Variants in PNMA8C observed in about 807,000 individuals in gnomAD.
The protein encoded by PNMA8C is PNMA family member 8C.
rs1568595051 is a variant in PNMA8C at position 46,427,760 on chromosome 19, T to A, written c.600A>T (p.Ser200=). Residue 200 remains serine, a synonymous_variant, in exon 1 of 1, where the codon TCA becomes TCT. Coordinates refer to ENST00000617053, the MANE Select transcript of PNMA8C (RefSeq NM_001386793.1). ...TGCCACCACCTCACAGCTTCTTGTCTGAGGCGTGATGCCGCCGGCGGTTTT... is the reference window on the plus strand; with the variant it reads ...TGCCACCACCTCACAGCTTCTTGTCAGAGGCGTGATGCCGCCGGCGGTTTT... The part of the protein sequence containing the change: ...NKKNRRRHHA[S]DKKL The A allele has an allele frequency of 2.5e-6, 1 of 398,540 alleles. No individual in the cohort carries two copies. The highest frequency in any genetic ancestry group is 4.4e-5 in the Admixed American group (1 of 22,686). The allele number at this position is 398,540 out of a possible 1,614,324, so 24.7% of individuals were successfully genotyped here.
Position 46,428,432 on chromosome 19 carries a change from A to T in PNMA8C, c.-73T>A, listed in dbSNP as rs1260137808. The T allele has an allele frequency of 5.0e-6, 2 of 398,218 alleles. No individual in the cohort carries two copies. The highest frequency in any genetic ancestry group is 8.8e-6 in the Non-Finnish European group (2 of 226,142). 24.7% of individuals were successfully genotyped at this position (398,218 alleles called of 1,614,324 possible). ...AGCTGCCTCGGGAATCCACGAAATTATCCAGGATGCCGCGATTCCTTCCCA... is the reference window on the plus strand; with the variant it reads ...AGCTGCCTCGGGAATCCACGAAATTTTCCAGGATGCCGCGATTCCTTCCCA... On this transcript the variant is annotated 5_prime_UTR_variant, in exon 1 of 1. Coordinates refer to ENST00000617053, the MANE Select transcript of PNMA8C (RefSeq NM_001386793.1).
Position 46,425,309 on chromosome 19 carries a change from G to GC in PNMA8C, c.*2435dup. 6.6e-6 allele frequency: 1 copy of GC among 152,344 alleles called. No individual in the cohort carries two copies. Among genetic ancestry groups the GC allele is most frequent in the East Asian group, 1.9e-4 (1 of 5,180 alleles). The allele number at this position is 152,344 out of a possible 1,614,324, so 9.4% of individuals were successfully genotyped here. A position where few individuals can be genotyped will look rare whatever the true frequency, so the allele number is the denominator to read the frequency against. On this transcript the variant is annotated 3_prime_UTR_variant, in exon 1 of 1. Coordinates refer to ENST00000617053, the MANE Select transcript of PNMA8C (RefSeq NM_001386793.1). The stretch of plus-strand genomic sequence containing the variant: ...CATTTACAAGGAATAGAAAAATCAG[G>GC]CCGGGCGTGGTGGCTCACGCCTGTA...
Position 46,425,101 on chromosome 19 carries a change from A to G in PNMA8C, c.*2644T>C, listed in dbSNP as rs1402697086. On this transcript the variant is annotated 3_prime_UTR_variant, in exon 1 of 1. Transcript: ENST00000617053. ...ACAATAAGCACAAAATACAGTCTTC[A>G]TGCTGCAATATGATAAGAAATGTCA... 1 of 152,236 alleles carries G rather than the reference A, an allele frequency of 6.6e-6. No homozygotes were observed. The highest frequency in any genetic ancestry group is 1.5e-5 in the Non-Finnish European group (1 of 68,044). 9.4% of individuals were successfully genotyped at this position (152,236 alleles called of 1,614,324 possible). A position where few individuals can be genotyped will look rare whatever the true frequency, so the allele number is the denominator to read the frequency against.
chr19:46,425,587 C>CAAAAAA lies in PNMA8C; in HGVS notation c.*2152_*2157dup, dbSNP rs34559985. On this transcript the variant is annotated 3_prime_UTR_variant, in exon 1 of 1. Transcript: ENST00000617053. ...TGGGCTACAGAAGGAGACTCCACCT[C>CAAAAAA]AAAAAAAAAAAAAAAAAAAAAAAAA... 6.4e-5 allele frequency: 4 copies of CAAAAAA among 62,470 alleles called. No individual in the cohort carries two copies. The highest frequency in any genetic ancestry group is 1.6e-4 in the African/African-American group (2 of 12,684). The allele number at this position is 62,470 out of a possible 1,614,324, so 3.9% of individuals were successfully genotyped here.
rs1254072584 is a variant in PNMA8C, at chr19:46,425,704, C to G, written c.*2041G>C. The G allele has an allele frequency of 6.6e-6, 1 of 150,876 alleles. No individual in the cohort carries two copies. The highest frequency in any genetic ancestry group is 1.9e-4 in the East Asian group (1 of 5,140). The allele number at this position is 150,876 out of a possible 1,614,324, so 9.3% of individuals were successfully genotyped here. ...GGGAGATTGAGACCATCCTGGCCAA[C>G]ATGGTGAAACCCTTTCTCTAGTAAA... On this transcript the variant is annotated 3_prime_UTR_variant, in exon 1 of 1. Coordinates refer to ENST00000617053, the MANE Select transcript of PNMA8C (RefSeq NM_001386793.1).
chr19:46,425,431 T>C lies in PNMA8C; in HGVS notation c.*2314A>G, dbSNP rs1969412602. The C allele has an allele frequency of 6.6e-6, 1 of 151,150 alleles. No individual in the cohort carries two copies. Among genetic ancestry groups the C allele is most frequent in the African/African-American group, 2.4e-5 (1 of 41,014 alleles). 9.4% of individuals were successfully genotyped at this position (151,150 alleles called of 1,614,324 possible). A position where few individuals can be genotyped will look rare whatever the true frequency, so the allele number is the denominator to read the frequency against. On this transcript the variant is annotated 3_prime_UTR_variant, in exon 1 of 1. Transcript: ENST00000617053. ...GGTGAAACCCTGTCTCTACTAAAAA[T>C]ACAAAAATTAGCTGGGCGTGGTGGT...
Position 46,427,858 on chromosome 19 carries a change from C to A in PNMA8C, c.502G>T (p.Val168Leu). ...TTCTCGGAGGAGTCCAGAGGTGGCA[C>A]CACGTCCATCTGGACGGTGGCCCCA... ...EAGATVQMDV[V>L]PPLDSSEKES... Residue 168 changes from valine to leucine, a missense_variant, in exon 1 of 1, where the codon GTG (valine) becomes TTG (leucine). By Grantham distance (32) the Val-to-Leu change is conservative. Coordinates refer to ENST00000617053, the MANE Select transcript of PNMA8C (RefSeq NM_001386793.1). 2.5e-6 allele frequency: 1 copy of A among 398,660 alleles called. No individual in the cohort carries two copies. Among genetic ancestry groups the A allele is most frequent in the Non-Finnish European group, 4.4e-6 (1 of 226,100 alleles). 24.7% of individuals were successfully genotyped at this position (398,660 alleles called of 1,614,324 possible).
chr19:46,426,396 G>A lies in PNMA8C; in HGVS notation c.*1349C>T, dbSNP rs1170586659. ...ACAGATCAGTGAGTTCCTCAGAGGT[G>A]GGGAGCAGGCAACTCACTCTCAGCC... On this transcript the variant is annotated 3_prime_UTR_variant, in exon 1 of 1. Coordinates refer to ENST00000617053, the MANE Select transcript of PNMA8C (RefSeq NM_001386793.1). 2 of 152,098 alleles carry A rather than the reference G, an allele frequency of 1.3e-5. No individual in the cohort carries two copies. The highest frequency in any genetic ancestry group is 4.8e-5 in the African/African-American group (2 of 41,406). 9.4% of individuals were successfully genotyped at this position (152,098 alleles called of 1,614,324 possible). A position where few individuals can be genotyped will look rare whatever the true frequency, so the allele number is the denominator to read the frequency against.
At position 46,427,901 on chromosome 19, in the gene PNMA8C, C is replaced by A. The variant is rs915258945; in HGVS notation, c.459G>T (p.Leu153=). Residue 153 remains leucine, a synonymous_variant, in exon 1 of 1, where the codon CTG becomes CTT. Coordinates refer to ENST00000617053, the MANE Select transcript of PNMA8C (RefSeq NM_001386793.1). ...TGGCCCCAGCCTCCGGTTTCTCCCC[C>A]AGCCCAGGCACAGAGCACTTTCTTG... ...LPARKCSVPG[L]GEKPEAGATV... The A allele has an allele frequency of 2.5e-6, 1 of 398,752 alleles. No homozygotes were observed. 24.7% of individuals were successfully genotyped at this position (398,752 alleles called of 1,614,324 possible). A position where few individuals can be genotyped will look rare whatever the true frequency, so the allele number is the denominator to read the frequency against.
rs1182498729 is a variant in PNMA8C, at chr19:46,424,725, T to A, written c.*3020A>T. The A allele has an allele frequency of 6.6e-6, 1 of 152,168 alleles. No individual in the cohort carries two copies. The highest frequency in any genetic ancestry group is 1.5e-5 in the Non-Finnish European group (1 of 68,042). The allele number at this position is 152,168 out of a possible 1,614,324, so 9.4% of individuals were successfully genotyped here. On this transcript the variant is annotated 3_prime_UTR_variant, in exon 1 of 1. Coordinates refer to ENST00000617053, the MANE Select transcript of PNMA8C (RefSeq NM_001386793.1). Reference sequence around the variant, plus strand: ...CATTAGCATACATTTATTTTATGAGTTCATATTTGTACAAAAGAGCATCTC... The same window carrying A: ...CATTAGCATACATTTATTTTATGAGATCATATTTGTACAAAAGAGCATCTC...
In PNMA8C at chr19:46,424,842, A is replaced by G. The variant is rs1431230700; in HGVS notation, c.*2903T>C. 6.6e-6 allele frequency: 1 copy of G among 152,170 alleles called. No individual in the cohort carries two copies. Among genetic ancestry groups the G allele is most frequent in the East Asian group, 1.9e-4 (1 of 5,204 alleles). The allele number at this position is 152,170 out of a possible 1,614,324, so 9.4% of individuals were successfully genotyped here. On this transcript the variant is annotated 3_prime_UTR_variant, in exon 1 of 1. Coordinates refer to ENST00000617053, the MANE Select transcript of PNMA8C (RefSeq NM_001386793.1). ...GATGCAGCCCTCCAACAGCTGGCACATTCAATTTACTTGTGAATTTTTGCT... is the reference window on the plus strand; with the variant it reads ...GATGCAGCCCTCCAACAGCTGGCACGTTCAATTTACTTGTGAATTTTTGCT...
At position 46,425,875 on chromosome 19, in the gene PNMA8C, G is replaced by C. The variant is rs577357739; in HGVS notation, c.*1870C>G. 1.1e-4 allele frequency: 16 copies of C among 152,082 alleles called. No individual in the cohort carries two copies. Among genetic ancestry groups the C allele is most frequent in the African/African-American group, 3.9e-4 (16 of 41,506 alleles). The allele number at this position is 152,082 out of a possible 1,614,324, so 9.4% of individuals were successfully genotyped here. On this transcript the variant is annotated 3_prime_UTR_variant, in exon 1 of 1. Coordinates refer to ENST00000617053, the MANE Select transcript of PNMA8C (RefSeq NM_001386793.1). ...CTGCACTCCAGCCTGGTGACAGAGCGAGACTCTGTCTCAAAAAAAAAAGAC... is the reference window on the plus strand; with the variant it reads ...CTGCACTCCAGCCTGGTGACAGAGCCAGACTCTGTCTCAAAAAAAAAAGAC...
rs549137554 is a variant in PNMA8C at position 46,424,791 on chromosome 19, T to C, written c.*2954A>G. ...TGAAGAGTTTTAGCTGAACCCCCTT[T>C]TGAAATCAGGGGTTTACAGAAGCCA... On this transcript the variant is annotated 3_prime_UTR_variant, in exon 1 of 1. Transcript: ENST00000617053. 8.5e-5 allele frequency: 13 copies of C among 152,326 alleles called. No homozygotes were observed. The highest frequency in any genetic ancestry group is 2.9e-4 in the African/African-American group (12 of 41,586). The allele number at this position is 152,326 out of a possible 1,614,324, so 9.4% of individuals were successfully genotyped here.
chr19:46,425,587 C>CAAAAAAAAAAAAA lies in PNMA8C; in HGVS notation c.*2145_*2157dup, dbSNP rs34559985. ...TGGGCTACAGAAGGAGACTCCACCT[C>CAAAAAAAAAAAAA]AAAAAAAAAAAAAAAAAAAAAAAAA... On this transcript the variant is annotated 3_prime_UTR_variant, in exon 1 of 1. Transcript: ENST00000617053. 2 of 62,474 alleles carry CAAAAAAAAAAAAA rather than the reference C, an allele frequency of 3.2e-5. No individual in the cohort carries two copies. The highest frequency in any genetic ancestry group is 5.6e-5 in the Non-Finnish European group (2 of 35,566). 3.9% of individuals were successfully genotyped at this position (62,474 alleles called of 1,614,324 possible).
chr19:46,426,771 T>A lies in PNMA8C; in HGVS notation c.*974A>T, dbSNP rs563216561. 6.6e-6 allele frequency: 1 copy of A among 152,370 alleles called. No homozygotes were observed. The highest frequency in any genetic ancestry group is 2.4e-5 in the African/African-American group (1 of 41,578). 9.4% of individuals were successfully genotyped at this position (152,370 alleles called of 1,614,324 possible). On this transcript the variant is annotated 3_prime_UTR_variant, in exon 1 of 1. Transcript: ENST00000617053. The stretch of plus-strand genomic sequence containing the variant: ...TCCAGGACCGTTTCCACCTCCTCCA[T>A]TTTCTGCAAAGGGCGCAGGCGCCTG...
rs1225184372 is a variant in PNMA8C, at chr19:46,427,031, C to T, written c.*714G>A. 6.6e-6 allele frequency: 1 copy of T among 152,248 alleles called. No homozygotes were observed. The highest frequency in any genetic ancestry group is 1.5e-5 in the Non-Finnish European group (1 of 68,070). The allele number at this position is 152,248 out of a possible 1,614,324, so 9.4% of individuals were successfully genotyped here. A position where few individuals can be genotyped will look rare whatever the true frequency, so the allele number is the denominator to read the frequency against. On this transcript the variant is annotated 3_prime_UTR_variant, in exon 1 of 1. Transcript: ENST00000617053. ...ACCCACAACTACTTTCAATTATACGCGGATGCCACCCACACACTCTAATGC... is the reference window on the plus strand; with the variant it reads ...ACCCACAACTACTTTCAATTATACGTGGATGCCACCCACACACTCTAATGC...
Position 46,428,709 on chromosome 19 carries a change from T to G in PNMA8C, c.-350A>C, listed in dbSNP as rs968524997. The G allele has an allele frequency of 9.3e-6, 2 of 215,258 alleles. No homozygotes were observed. Among genetic ancestry groups the G allele is most frequent in the Non-Finnish European group, 1.8e-5 (2 of 109,854 alleles). The allele number at this position is 215,258 out of a possible 1,614,324, so 13.3% of individuals were successfully genotyped here. A position where few individuals can be genotyped will look rare whatever the true frequency, so the allele number is the denominator to read the frequency against. ...TGCACCAAGGAGGGTCTAAAGATGA[T>G]GCTTCCCCTTTCTTGGCGTGGCCTC... is the stretch of plus-strand genomic sequence containing the variant. On this transcript the variant is annotated 5_prime_UTR_variant, in exon 1 of 1. Transcript: ENST00000617053.
At position 46,426,554 on chromosome 19, in the gene PNMA8C, G is replaced by A. The variant is rs1969421478; in HGVS notation, c.*1191C>T. 6.6e-6 allele frequency: 1 copy of A among 152,176 alleles called. No homozygotes were observed. The highest frequency in any genetic ancestry group is 2.4e-5 in the African/African-American group (1 of 41,446). 9.4% of individuals were successfully genotyped at this position (152,176 alleles called of 1,614,324 possible). On this transcript the variant is annotated 3_prime_UTR_variant, in exon 1 of 1. Coordinates refer to ENST00000617053, the MANE Select transcript of PNMA8C (RefSeq NM_001386793.1). ...CTTTGCAATAACAGGATTTCCAGGA[G>A]GGCGCAAAGCTAGAGGGGTCCGTGC...
Position 46,427,858 on chromosome 19 carries a change from C to G in PNMA8C, c.502G>C (p.Val168Leu). Reference sequence around the variant, plus strand: ...TTCTCGGAGGAGTCCAGAGGTGGCACCACGTCCATCTGGACGGTGGCCCCA... The same window carrying G: ...TTCTCGGAGGAGTCCAGAGGTGGCAGCACGTCCATCTGGACGGTGGCCCCA... ...EAGATVQMDV[V>L]PPLDSSEKES... The change falls in exon 1 of 1, where the codon GTG (valine) becomes CTG (leucine). Residue 168 changes from valine (V) to leucine (L), a missense_variant. Physicochemically the swap from Val to Leu is conservative, Grantham distance 32. Coordinates refer to ENST00000617053, the MANE Select transcript of PNMA8C (RefSeq NM_001386793.1). The G allele has an allele frequency of 2.5e-6, 1 of 398,660 alleles. No homozygotes were observed. Among genetic ancestry groups the G allele is most frequent in the Non-Finnish European group, 4.4e-6 (1 of 226,100 alleles). 24.7% of individuals were successfully genotyped at this position (398,660 alleles called of 1,614,324 possible).
Sources: allele counts gnomAD v4.1 joint callset, GRCh38; gene constraint gnomAD v4.1.1; transcripts MANE v1.5; gene names NCBI Gene and HGNC (gene_info 2026-07-23, HGNC 2026-07-21).